Variants in DMD observed in about 807,000 individuals in gnomAD.
DMD encodes the protein mutant dystrophin.
In DMD, 63 loss-of-function variants were observed where a neutral mutation model predicts 330.1. The observed-to-expected ratio is 0.19, with a 90% CI of 0.16 to 0.24. DMD has a LOEUF of 0.24. Among genes scored for constraint, DMD ranks in the 10% least tolerant of loss-of-function variants. DMD has a pLI of 1.00. For synonymous variants in DMD, 1,223 were observed against 959.8 expected (o/e 1.27, Z -5.07); for missense variants, 3,344 against 2,684.1 (o/e 1.25, Z -5.43).
At chrX:31,400,495 T>C (rs940206749) in intron 60 of DMD, among the ~76,000 whole-genome samples, 1 of 111,441 alleles carries the variant, frequency 9.0e-6, no homozygotes, top group African/African-American at 3.3e-5. Flanking sequence ...CATGGGTGCA[T>C]ATTCTCAACC....
chrX:32,287,516 A>G lies in DMD; in HGVS notation c.6290+13T>C. ...TTTCTGCAAGTATCAAGAAAAATAT[A>G]TGTGTTACCTACCCTTGTCGGTCCT... On this transcript the variant is annotated intron_variant, in intron 43 of 78. Coordinates refer to ENST00000357033, the MANE Select transcript of DMD (RefSeq NM_004006.3). 1 of 1,206,204 alleles carries G rather than the reference A, an allele frequency of 8.3e-7. No individual in the cohort carries two copies. Among genetic ancestry groups the G allele is most frequent in the Non-Finnish European group, 1.1e-6 (1 of 891,084 alleles).
chrX:32,499,430 T>C (rs2043821702), intron 19 of DMD, among the ~76,000 whole-genome samples: 1 of 111,371 alleles, frequency 9.0e-6, no homozygotes, highest in African/African-American at 3.3e-5. Context: ...ATATGAGTGG[T>C]TTATACAAGA....
At chrX:32,015,200 A>G (rs2095750910) in intron 44 of DMD, among the ~76,000 whole-genome samples, 1 of 111,849 alleles carries the variant, frequency 8.9e-6, no homozygotes, top group African/African-American at 3.3e-5. Flanking sequence ...CAGATACGCA[A>G]TCAAAGCTGA....
chrX:31,264,104 A>C, intron 62 of DMD, among the ~76,000 whole-genome samples: 1 of 112,292 alleles, frequency 8.9e-6, no homozygotes, highest in East Asian at 2.8e-4. Context: ...ACCTTGAAGG[A>C]CAAACCACAT....
chrX:32,473,174 T>A (rs1263346864), intron 21 of DMD, among the ~76,000 whole-genome samples: 2 of 111,203 alleles, frequency 1.8e-5, no homozygotes, highest in African/African-American at 3.3e-5. Context: ...ACATAACATA[T>A]TTTAGGGATA....
intron 2 of DMD, among the ~76,000 whole-genome samples, chrX:32,933,482 T>C (rs1443602381): frequency 1.8e-5 from 2 of 112,126 alleles, no homozygotes; most frequent in African/African-American, 6.5e-5. Flanking sequence ...TAGAAGATCT[T>C]AATCTGTATA....
chrX:32,645,258 C>A, intron 9 of DMD, 106 bp from the exon 10 acceptor site: 2 of 870,465 alleles, frequency 2.3e-6, no homozygotes, highest in Admixed American at 2.7e-5. Flanking sequence ...TAGGACTGTC[C>A]ACTGGCATTA....
chrX:31,739,430 AAGAC>A (rs1481823015), intron 51 of DMD, among the ~76,000 whole-genome samples: 2 of 111,888 alleles, frequency 1.8e-5, no homozygotes, highest in Admixed American at 9.5e-5. Flanking sequence ...AAAAAACAAT[AAGAC>A]AGTCAGTGAA....
intron 20 of DMD, among the ~76,000 whole-genome samples, chrX:32,486,004 G>C (rs891967907): frequency 9.1e-6 from 1 of 110,024 alleles, no homozygotes; most frequent in African/African-American, 3.3e-5. Flanking sequence ...GCCTCCCAAA[G>C]TGCTGGGATT....
intron 15 of DMD, among the ~76,000 whole-genome samples, chrX:32,571,921 TCCTCGTA>T (rs1217250289): frequency 9.0e-6 from 1 of 111,651 alleles, no homozygotes; most frequent in African/African-American, 3.3e-5. Context: ...TTCTGATTAG[TCCTCGTA>T]CCATCAAACA....
chrX:31,400,927 G>T (rs1186818193), intron 60 of DMD, among the ~76,000 whole-genome samples: 1 of 111,613 alleles, frequency 9.0e-6, no homozygotes, highest in Non-Finnish European at 1.9e-5. Context: ...CAGTGGGCAG[G>T]AATAGATCAA....
intron 7 of DMD, among the ~76,000 whole-genome samples, chrX:32,781,380 G>C (rs1024043323): frequency 8.1e-5 from 9 of 111,353 alleles, no homozygotes; most frequent in Admixed American, 3.8e-4. Flanking sequence ...AACATGAGAA[G>C]GACTCATACT....
intron 42 of DMD, among the ~76,000 whole-genome samples, chrX:32,303,272 G>A (rs942192156): frequency 1.8e-5 from 2 of 111,013 alleles, no homozygotes; most frequent in Non-Finnish European, 3.8e-5. Flanking sequence ...TTCTATCTCA[G>A]AGTCCACACC....
chrX:32,033,414 T>A (rs1307047386), intron 44 of DMD, among the ~76,000 whole-genome samples: 4 of 109,799 alleles, frequency 3.6e-5, no homozygotes, highest in African/African-American at 1.3e-4. Context: ...TTTTTTAAGC[T>A]TAAGAAAAGC....
At chrX:32,344,120 G>T (rs1365023473) in intron 39 of DMD, among the ~76,000 whole-genome samples, 1 of 112,173 alleles carries the variant, frequency 8.9e-6, no homozygotes, top group East Asian at 2.8e-4. Context: ...AATATCTTCT[G>T]TGATTAATAG....
intron 56 of DMD, among the ~76,000 whole-genome samples, chrX:31,502,900 A>G (rs1181212442): frequency 8.9e-6 from 1 of 111,967 alleles, no homozygotes; most frequent in Non-Finnish European, 1.9e-5. Context: ...ATATTGGATA[A>G]CGTCATCAGT....
At chrX:31,143,221 G>A (rs747771315) in intron 76 of DMD, among the ~76,000 whole-genome samples, 5 of 111,406 alleles carry the variant, frequency 4.5e-5, no homozygotes, top group African/African-American at 1.3e-4. Flanking sequence ...CCCATGTGCT[G>A]CGGGAGGGGT....
chrX:31,230,600 G>C (rs2047097582), intron 63 of DMD, among the ~76,000 whole-genome samples: 1 of 108,683 alleles, frequency 9.2e-6, no homozygotes, highest in Non-Finnish European at 1.9e-5. Flanking sequence ...AGTGAGCTGA[G>C]ATCGCACCAC....
At chrX:31,864,684 T>C (rs2093769093) in intron 48 of DMD, among the ~76,000 whole-genome samples, 1 of 109,402 alleles carries the variant, frequency 9.1e-6, no homozygotes, top group South Asian at 4.0e-4. Flanking sequence ...AGAGATGGGG[T>C]TTTGCTATAT....
Sources: allele counts gnomAD v4.1 joint callset (sites outside exome capture counted in the v4.1 genomes callset), GRCh38; gene constraint gnomAD v4.1.1; transcripts MANE v1.5; gene names NCBI Gene and HGNC (gene_info 2026-07-23, HGNC 2026-07-21).